The following TMEM132C variants were observed in gnomAD, a reference collection of about 807,000 sequenced individuals.
The protein encoded by TMEM132C is transmembrane protein 132C.
A neutral mutation model predicts 61.4 loss-of-function variants in TMEM132C; 29 were observed. The ratio of observed to expected loss-of-function variants is 0.47; its 90% CI spans 0.35 to 0.64. TMEM132C has a LOEUF of 0.64. Ranked by LOEUF, TMEM132C falls within the 30% of genes least tolerant of loss-of-function variation. TMEM132C has a pLI of 0.00. For missense variants in TMEM132C, 1,408 were observed against 1,476.9 expected (o/e 0.95, Z 0.76); for synonymous variants, 656 against 633.1 (o/e 1.04, Z -0.54).
At chr12:128,283,343 C>T (rs1046947746) in intron 1 of TMEM132C, among the ~76,000 whole-genome samples, 14 of 152,266 alleles carry the variant, frequency 9.2e-5, no homozygotes, top group African/African-American at 2.2e-4. Flanking sequence ...GGAATCAGTT[C>T]AGTTGCTTTT....
chr12:128,536,494 A>G (rs1249907430), intron 2 of TMEM132C, among the ~76,000 whole-genome samples: 1 of 151,810 alleles, frequency 6.6e-6, no homozygotes, highest in African/African-American at 2.4e-5. Flanking sequence ...TCAAACCTGC[A>G]CTTGTGCACG....
chr12:128,597,842 G>A (rs1032916210), intron 3 of TMEM132C, among the ~76,000 whole-genome samples: 11 of 152,192 alleles, frequency 7.2e-5, no homozygotes, highest in Admixed American at 3.9e-4. Context: ...AGTGTTTGAG[G>A]GTGTTGACTT....
rs190149479 is a variant in TMEM132C at position 128,647,736 on chromosome 12, A to C, written c.1306-21681A>C. ...ATCAGTGTTGGATGTGAGTGTGTTCACTAGATCCCATCAGCGTTGGATGTG... is the reference window on the plus strand; with the variant it reads ...ATCAGTGTTGGATGTGAGTGTGTTCCCTAGATCCCATCAGCGTTGGATGTG... On this transcript the variant is annotated intron_variant, in intron 4 of 8. Transcript: ENST00000435159. Among the ~76,000 whole-genome samples, 24 of 150,360 alleles carry C rather than the reference A, an allele frequency of 1.6e-4. No individual in the cohort carries two copies. The East Asian group carries it at 3.3e-3, about 21-fold the overall frequency.
chr12:128,578,415 G>C (rs1410882412), intron 3 of TMEM132C, among the ~76,000 whole-genome samples: 1 of 152,036 alleles, frequency 6.6e-6, no homozygotes, highest in African/African-American at 2.4e-5. Flanking sequence ...TCCCAGCTTT[G>C]CTTTTTCTGT....
At chr12:128,274,716 G>C (rs1484000569) in intron 1 of TMEM132C, among the ~76,000 whole-genome samples, 1 of 152,060 alleles carries the variant, frequency 6.6e-6, no homozygotes, top group African/African-American at 2.4e-5. Context: ...TAGATTCCAG[G>C]GTGAAAGAAG....
At chr12:128,449,657 T>A (rs1292386509) in intron 2 of TMEM132C, among the ~76,000 whole-genome samples, 1 of 152,234 alleles carries the variant, frequency 6.6e-6, no homozygotes, top group Admixed American at 6.5e-5. Flanking sequence ...TGGGCTTGGC[T>A]ATGACTCTGT....
chr12:128,698,054 C>T (rs1954778244), intron 8 of TMEM132C, among the ~76,000 whole-genome samples: 1 of 152,198 alleles, frequency 6.6e-6, no homozygotes, highest in African/African-American at 2.4e-5. Context: ...GCATGTTTCT[C>T]CTCCATGGGA....
chr12:128,543,981 C>G lies in TMEM132C; in HGVS notation c.999C>G (p.Asn333Lys), dbSNP rs760351876. 11 of 1,547,692 alleles carry G rather than the reference C, an allele frequency of 7.1e-6. 1 individual carries two copies. In the East Asian group the frequency reaches 2.7e-4, roughly 38 times the overall value. Residue 333 changes from asparagine to lysine, a missense_variant, in exon 3 of 9, where the codon AAC (asparagine) becomes AAG (lysine). Asn to Lys is a moderately conservative substitution (Grantham distance 94, BLOSUM62 0). Coordinates refer to ENST00000435159, the MANE Select transcript of TMEM132C (RefSeq NM_001136103.3). ...ILRAKVKKGV[N>K]ILSAQTREPR... Reference sequence around the variant, plus strand: ...GAGCCAAGGTGAAGAAGGGGGTGAACATCCTGAGTGCTCAGACCCGTGAGC... The same window carrying G: ...GAGCCAAGGTGAAGAAGGGGGTGAAGATCCTGAGTGCTCAGACCCGTGAGC...
At chr12:128,424,179 C>T (rs1015335941) in intron 2 of TMEM132C, among the ~76,000 whole-genome samples, 1 of 151,332 alleles carries the variant, frequency 6.6e-6, no homozygotes, top group African/African-American at 2.4e-5. Context: ...ATTCATGGAA[C>T]ATACCTGTTC....
chr12:128,370,147 G>C (rs1873986760), intron 1 of TMEM132C, among the ~76,000 whole-genome samples: 1 of 152,150 alleles, frequency 6.6e-6, no homozygotes, highest in African/African-American at 2.4e-5. Context: ...CCTGAGCTTA[G>C]ATGGGCAGAT....
intron 2 of TMEM132C, among the ~76,000 whole-genome samples, chr12:128,445,818 C>G (rs1305009548): frequency 2.0e-5 from 3 of 152,144 alleles, no homozygotes; most frequent in African/African-American, 7.2e-5. Flanking sequence ...ACCCCTCACC[C>G]CTGGGGACTT....
chr12:128,686,042 C>T (rs984288661), intron 5 of TMEM132C, among the ~76,000 whole-genome samples: 12 of 95,488 alleles, frequency 1.3e-4, no homozygotes, highest in African/African-American at 1.9e-4. Context: ...TGTGTATTCG[C>T]GCGTGTGTGC....
At chr12:128,317,831 G>A (rs571560495) in intron 1 of TMEM132C, among the ~76,000 whole-genome samples, 1 of 152,208 alleles carries the variant, frequency 6.6e-6, no homozygotes, top group East Asian at 1.9e-4. Context: ...GTTTCAGTGA[G>A]CAGTGAGGTT....
At chr12:128,670,136 C>G (rs1954517286) in intron 5 of TMEM132C, among the ~76,000 whole-genome samples, 1 of 151,990 alleles carries the variant, frequency 6.6e-6, no homozygotes, top group South Asian at 2.1e-4. Context: ...ATGGTGAAAC[C>G]CCATCTCTAC....
intron 2 of TMEM132C, among the ~76,000 whole-genome samples, chr12:128,488,032 G>T (rs1210476348): frequency 6.6e-6 from 1 of 152,206 alleles, no homozygotes; most frequent in Non-Finnish European, 1.5e-5. Context: ...TTAGCCACTG[G>T]CTCTCTAATG....
intron 4 of TMEM132C, among the ~76,000 whole-genome samples, chr12:128,639,749 T>C (rs1203027001): frequency 6.6e-6 from 1 of 152,156 alleles, no homozygotes; most frequent in East Asian, 1.9e-4. Context: ...TTCTGGGATG[T>C]GGGACTCCCA....
In TMEM132C at chr12:128,551,216, CCCT is replaced by C. The variant is rs527594029; in HGVS notation, c.1121+7116_1121+7118del. 2.5e-3 allele frequency among the ~76,000 whole-genome samples: 357 copies of C among 144,356 alleles called. 5 individuals carry two copies. Among genetic ancestry groups the C allele is most frequent in the African/African-American group, 9.7e-3 (330 of 34,174 alleles). 94.7% of individuals were successfully genotyped at this position (144,356 alleles called of 152,430 possible). ...ACTCTCAGAAACATAAGAGCCCCCC[CCCT>C]CCCGCTTCCTCCCCTGGTGAAATGT... On this transcript the variant is annotated intron_variant, in intron 3 of 8. Coordinates refer to ENST00000435159, the MANE Select transcript of TMEM132C (RefSeq NM_001136103.3).
chr12:128,673,219 A>G (rs937268665), intron 5 of TMEM132C, among the ~76,000 whole-genome samples: 2 of 152,226 alleles, frequency 1.3e-5, no homozygotes, highest in African/African-American at 2.4e-5. Context: ...TTAGGCTTCA[A>G]TGAGGGTGGA....
At chr12:128,619,558 G>C (rs902344718) in intron 4 of TMEM132C, among the ~76,000 whole-genome samples, 1 of 152,212 alleles carries the variant, frequency 6.6e-6, no homozygotes, top group Admixed American at 6.5e-5. Context: ...CTGCCTCCAG[G>C]CTTGTTGACA....
Sources: gnomAD v4.1 joint callset for allele counts (sites outside exome capture counted in the v4.1 genomes callset) on GRCh38, gnomAD v4.1.1 for gene constraint, MANE v1.5 for transcripts, NCBI Gene and HGNC (gene_info 2026-07-23, HGNC 2026-07-21) for gene names.